The following GLIS3 variants were observed in gnomAD, a reference collection of about 807,000 sequenced individuals.
The protein encoded by GLIS3 is zinc finger protein GLIS3.
In GLIS3, 53 loss-of-function variants were observed where a neutral mutation model predicts 78.6. That is an observed-to-expected ratio of 0.67 (90% CI 0.54 to 0.85). GLIS3 has a LOEUF of 0.85. GLIS3 is among the 40% of genes least tolerant of loss of function. The probability of loss-of-function intolerance (pLI) is 0.00; values close to 1 mark genes in which losing one functional copy is unlikely to be tolerated. For missense variants in GLIS3, 1,703 were observed against 1,231.1 expected (o/e 1.38, Z -5.74); for synonymous variants, 684 against 509.9 (o/e 1.34, Z -4.60).
chr9:4,277,136 C>T (rs1302446141), intron 2 of GLIS3, among the ~76,000 whole-genome samples: 1 of 152,184 alleles, frequency 6.6e-6, no homozygotes, highest in East Asian at 1.9e-4. Context: ...CCAGTTCTAA[C>T]ATGGCTGCAT....
At chr9:3,970,163 T>C (rs1327107497) in intron 4 of GLIS3, among the ~76,000 whole-genome samples, 3 of 152,184 alleles carry the variant, frequency 2.0e-5, no homozygotes, top group African/African-American at 7.2e-5. Flanking sequence ...TACACACATA[T>C]AACCAGCAAA....
chr9:3,909,425 C>T (rs1823981042), intron 6 of GLIS3, among the ~76,000 whole-genome samples: 1 of 152,078 alleles, frequency 6.6e-6, no homozygotes, highest in Non-Finnish European at 1.5e-5. Context: ...GACCAATTTG[C>T]AAAGAGGACC....
chr9:4,146,557 T>C (rs1238215586), intron 2 of GLIS3, among the ~76,000 whole-genome samples: 1 of 152,170 alleles, frequency 6.6e-6, no homozygotes, highest in Non-Finnish European at 1.5e-5. Context: ...TCTTCCCAAG[T>C]ATGTGCTCAC....
At chr9:4,183,911 C>G (rs1228502427) in intron 2 of GLIS3, among the ~76,000 whole-genome samples, 2 of 152,158 alleles carry the variant, frequency 1.3e-5, no homozygotes, top group Non-Finnish European at 2.9e-5. Context: ...CTGCTGCTGT[C>G]TAGCATAGTA....
intron 2 of GLIS3, among the ~76,000 whole-genome samples, chr9:4,326,741 A>G (rs968074349): frequency 1.2e-4 from 19 of 152,200 alleles, no homozygotes; most frequent in Non-Finnish European, 2.9e-5. Context: ...CTACAGCAAC[A>G]GCAAGGACAA....
At chr9:3,843,663 A>G (rs767220640) in intron 9 of GLIS3, among the ~76,000 whole-genome samples, 1 of 152,242 alleles carries the variant, frequency 6.6e-6, no homozygotes, top group Non-Finnish European at 1.5e-5. Flanking sequence ...TATAAAACAT[A>G]TATTGATATA....
the GLIS3 span, among the ~76,000 whole-genome samples, chr9:4,366,563 G>C: frequency 6.6e-6 from 1 of 152,264 alleles, no homozygotes; most frequent in African/African-American, 2.4e-5. Context: ...CGCAATTCAT[G>C]AATTTTAAAA....
At chr9:3,906,036 G>A (rs747635877) in intron 6 of GLIS3, among the ~76,000 whole-genome samples, 9 of 152,202 alleles carry the variant, frequency 5.9e-5, no homozygotes, top group Admixed American at 3.3e-4. Context: ...GAAATCTACC[G>A]AGGAAACAAA....
intron 4 of GLIS3, among the ~76,000 whole-genome samples, chr9:3,968,650 AC>A (rs1268355140): frequency 2.0e-5 from 3 of 152,156 alleles, no homozygotes; most frequent in Non-Finnish European, 4.4e-5. Context: ...ATCATTTTTA[AC>A]AGTAAATCTT....
At chr9:4,233,664 G>A (rs1822468044) in intron 2 of GLIS3, among the ~76,000 whole-genome samples, 1 of 152,114 alleles carries the variant, frequency 6.6e-6, no homozygotes, top group Non-Finnish European at 1.5e-5. Context: ...AATGAACACT[G>A]GCTTCAACTT....
chr9:4,093,384 G>C (rs1829684784), intron 4 of GLIS3, among the ~76,000 whole-genome samples: 1 of 152,210 alleles, frequency 6.6e-6, no homozygotes, highest in African/African-American at 2.4e-5. Flanking sequence ...GCGTGCACAA[G>C]GGAAGAACCA....
chr9:4,096,404 G>A (rs541033884), intron 4 of GLIS3, among the ~76,000 whole-genome samples: 1 of 152,292 alleles, frequency 6.6e-6, no homozygotes, highest in Non-Finnish European at 1.5e-5. Flanking sequence ...AAAAACAAAA[G>A]TAACACATTC....
At chr9:4,214,438 T>C (rs907994829) in intron 2 of GLIS3, among the ~76,000 whole-genome samples, 4 of 152,206 alleles carry the variant, frequency 2.6e-5, no homozygotes, top group East Asian at 3.9e-4. Context: ...GTATGTCTTC[T>C]GTGTGCGGTA....
chr9:3,896,306 G>A (rs1405958792), intron 7 of GLIS3, among the ~76,000 whole-genome samples: 3 of 152,112 alleles, frequency 2.0e-5, no homozygotes, highest in South Asian at 2.1e-4. Flanking sequence ...AACAAAAGGC[G>A]TAACATTTTT....
intron 2 of GLIS3, among the ~76,000 whole-genome samples, chr9:4,227,725 G>A (rs1295130300): frequency 6.6e-6 from 1 of 152,162 alleles, no homozygotes. Context: ...ATTATCATGG[G>A]ATGAAACCAC....
chr9:4,107,998 A>T (rs947655000), intron 4 of GLIS3, among the ~76,000 whole-genome samples: 20 of 152,156 alleles, frequency 1.3e-4, no homozygotes, highest in African/African-American at 4.8e-4. Context: ...CAGTATGTTA[A>T]TCGTTGAGCC....
At chr9:4,323,963 CTTTCA>C (rs1817570388) in intron 2 of GLIS3, among the ~76,000 whole-genome samples, 1 of 152,292 alleles carries the variant, frequency 6.6e-6, no homozygotes, top group African/African-American at 2.4e-5. Flanking sequence ...CATCGTCATT[CTTTCA>C]TTTACTCAGT....
At chr9:3,892,958 A>G (rs963373187) in intron 7 of GLIS3, among the ~76,000 whole-genome samples, 1 of 152,068 alleles carries the variant, frequency 6.6e-6, no homozygotes, top group Admixed American at 6.6e-5. Flanking sequence ...ATACACATCT[A>G]ACTTTTATTT....
intron 9 of GLIS3, among the ~76,000 whole-genome samples, chr9:3,845,818 G>T (rs573046474): frequency 8.5e-5 from 13 of 152,238 alleles, no homozygotes; most frequent in Admixed American, 2.6e-4. Context: ...CCTCCCCATG[G>T]GGACAGCCCC....
Sources: gnomAD v4.1 joint callset for allele counts (sites outside exome capture counted in the v4.1 genomes callset) on GRCh38, gnomAD v4.1.1 for gene constraint, MANE v1.5 for transcripts, NCBI Gene and HGNC (gene_info 2026-07-23, HGNC 2026-07-21) for gene names.